The following SERINC5 variants were observed in gnomAD, a reference collection of about 807,000 sequenced individuals.
The protein encoded by SERINC5 is chromosome 5 open reading frame 12.
SERINC5 carries 41 observed loss-of-function variants against 63.1 expected under a neutral mutation model. The ratio of observed to expected loss-of-function variants is 0.65; its 90% CI spans 0.51 to 0.84. The LOEUF (loss-of-function observed/expected upper bound fraction) is 0.84, where lower values mean the gene tolerates loss of function less well. SERINC5 is among the 40% of genes least tolerant of loss of function. The probability of loss-of-function intolerance (pLI) is 0.00; values close to 1 mark genes in which losing one functional copy is unlikely to be tolerated. For synonymous variants in SERINC5, 222 were observed against 215.2 expected (o/e 1.03, Z -0.28); for missense variants, 523 against 573.0 (o/e 0.91, Z 0.89).
At chr5:80,152,417 ATTGAGCCTGGGAGG>A (rs1032620672) in intron 8 of SERINC5, among the ~76,000 whole-genome samples, 2 of 151,160 alleles carry the variant, frequency 1.3e-5, no homozygotes, top group African/African-American at 4.9e-5. Flanking sequence ...AGGAGAATAA[ATTGAGCCTGGGAGG>A]TTGTAGTGAG....
At chr5:80,132,965 C>T (rs1265887797) in intron 11 of SERINC5, among the ~76,000 whole-genome samples, 1 of 152,150 alleles carries the variant, frequency 6.6e-6, no homozygotes, top group Non-Finnish European at 1.5e-5. Context: ...CCTCCCAAAT[C>T]TCATGTTGAA....
chr5:80,113,646 GA>G (rs1399813168), intron 11 of SERINC5: 3 of 269,044 alleles, frequency 1.1e-5, no homozygotes, highest in Non-Finnish European at 2.3e-5. Context: ...AGCAGCAAGA[GA>G]AAAAGAGGGA....
At chr5:80,251,297 TAC>T (rs1752405805) in intron 1 of SERINC5, among the ~76,000 whole-genome samples, 1 of 75,042 alleles carries the variant, frequency 1.3e-5, no homozygotes, top group Non-Finnish European at 3.1e-5. Flanking sequence ...CATGCATACA[TAC>T]ATACATACAT....
At chr5:80,207,415 T>A (rs1750225933) in intron 1 of SERINC5, among the ~76,000 whole-genome samples, 1 of 152,156 alleles carries the variant, frequency 6.6e-6, no homozygotes, top group Non-Finnish European at 1.5e-5. Context: ...CACAGCTGAA[T>A]CAACATTTAA....
At chr5:80,222,308 G>T (rs879736416) in intron 1 of SERINC5, among the ~76,000 whole-genome samples, 7 of 152,066 alleles carry the variant, frequency 4.6e-5, no homozygotes, top group Admixed American at 4.6e-4. Context: ...CTGTGGATGG[G>T]CCACTGTTTC....
At chr5:80,230,339 T>C (rs7718066) in intron 1 of SERINC5, among the ~76,000 whole-genome samples, 58,451 of 150,794 alleles carry the variant, frequency 0.39, 11,681 homozygotes, top group African/African-American at 0.49. Context: ...TGTGGTGGCA[T>C]GCACCAGCTA....
intron 11 of SERINC5, among the ~76,000 whole-genome samples, chr5:80,122,165 A>G (rs1323808682): frequency 2.0e-5 from 3 of 150,062 alleles, no homozygotes; most frequent in Non-Finnish European, 4.4e-5. Flanking sequence ...CCTCTGTATT[A>G]GTCAGGCTTC....
Position 80,200,975 on chromosome 5 carries a change from T to G in SERINC5, c.195+1911A>C, listed in dbSNP as rs868098337. 1.3e-3 allele frequency among the ~76,000 whole-genome samples: 201 copies of G among 152,150 alleles called. 1 individual carries two copies. Among genetic ancestry groups the G allele is most frequent in the African/African-American group, 4.5e-3 (187 of 41,510 alleles). ...TTAGCCAGGCATGGTGGCACGCGCC[T>G]GTAATCCCAACTACTCGGGAGGCTG... On this transcript the variant is annotated intron_variant, in intron 2 of 11. Transcript: ENST00000507668.
chr5:80,182,219 C>A (rs183722092), intron 2 of SERINC5, among the ~76,000 whole-genome samples: 1 of 152,206 alleles, frequency 6.6e-6, no homozygotes, highest in East Asian at 1.9e-4. Context: ...TGGAAAGACA[C>A]AAATGTTCGT....
At chr5:80,248,131 C>A (rs1184239411) in intron 1 of SERINC5, among the ~76,000 whole-genome samples, 1 of 152,284 alleles carries the variant, frequency 6.6e-6, no homozygotes, top group African/African-American at 2.4e-5. Flanking sequence ...GGATTACAGG[C>A]ATGAGCCACC....
intron 4 of SERINC5, among the ~76,000 whole-genome samples, chr5:80,176,500 C>T (rs1317468074): frequency 6.6e-6 from 1 of 152,158 alleles, no homozygotes; most frequent in Non-Finnish European, 1.5e-5. Context: ...GGTGCAATCT[C>T]GGCTCACTGC....
chr5:80,116,794 G>A (rs1259490760), intron 11 of SERINC5, among the ~76,000 whole-genome samples: 1 of 151,698 alleles, frequency 6.6e-6, no homozygotes, highest in East Asian at 1.9e-4. Context: ...CACCCCCACT[G>A]GCTCAAGTGA....
At chr5:80,201,523 C>T (rs147268821) in intron 2 of SERINC5, among the ~76,000 whole-genome samples, 27 of 152,288 alleles carry the variant, frequency 1.8e-4, no homozygotes, top group Admixed American at 5.2e-4. Context: ...AACCACAGAG[C>T]CTCACATCAG....
downstream of SERINC5, among the ~76,000 whole-genome samples, chr5:80,135,793 A>G (rs963046775): frequency 2.3e-4 from 35 of 151,580 alleles, no homozygotes; most frequent in African/African-American, 7.8e-4. Flanking sequence ...CTGAATTGCT[A>G]CATAAAAATA....
intron 8 of SERINC5, among the ~76,000 whole-genome samples, chr5:80,151,841 G>A (rs1047326184): frequency 1.3e-5 from 2 of 152,074 alleles, no homozygotes; most frequent in African/African-American, 2.4e-5. Flanking sequence ...TGACATGGGC[G>A]GGCGTGTTGG....
exon 13 of SERINC5, chr5:80,111,700 C>T (rs1744115103): frequency 6.6e-6 from 1 of 152,072 alleles, no homozygotes; most frequent in Non-Finnish European, 1.5e-5. Context: ...TCAGGTTTCT[C>T]AGCTAAGAGA....
At chr5:80,166,295 G>C (rs1408485748) in intron 7 of SERINC5, 88 bp downstream of exon 7, 1 of 928,344 alleles carries the variant, frequency 1.1e-6, no homozygotes, top group African/African-American at 1.6e-5. Context: ...TATCTCCAAG[G>C]CCTCTCCAAT....
chr5:80,251,427 G>A (rs1017525019), intron 1 of SERINC5, among the ~76,000 whole-genome samples: 1 of 152,070 alleles, frequency 6.6e-6, no homozygotes, highest in Non-Finnish European at 1.5e-5. Flanking sequence ...GCATAAACTG[G>A]CTATAAAGAT....
At chr5:80,229,928 TCA>T (rs893860725) in intron 1 of SERINC5, among the ~76,000 whole-genome samples, 54 of 152,330 alleles carry the variant, frequency 3.5e-4, no homozygotes, top group African/African-American at 1.3e-3. Context: ...AATATTATTC[TCA>T]GTGTGCTCGA....
Sources: allele counts gnomAD v4.1 joint callset (sites outside exome capture counted in the v4.1 genomes callset), GRCh38; gene constraint gnomAD v4.1.1; transcripts MANE v1.5; gene names NCBI Gene and HGNC (gene_info 2026-07-23, HGNC 2026-07-21).